LDB2: variants seen among roughly 807,000 people sequenced by gnomAD.
LDB2 encodes LIM domain-binding protein 2.
In LDB2, 12 loss-of-function variants were observed where a neutral mutation model predicts 44.3. The observed-to-expected ratio is 0.27, with a 90% CI of 0.17 to 0.44. LDB2 has a LOEUF of 0.44. Ranked by LOEUF, LDB2 falls within the 20% of genes least tolerant of loss-of-function variation. The probability of loss-of-function intolerance (pLI) is 1.00; values close to 1 mark genes in which losing one functional copy is unlikely to be tolerated. For synonymous variants in LDB2, 164 were observed against 174.8 expected, an observed-to-expected ratio of 0.94 and a Z score of 0.49; for missense variants, 344 against 473.5, an observed-to-expected ratio of 0.73 and a Z score of 2.54.
chr4:16,844,057 A>C (rs62298187), intron 1 of LDB2, among the ~76,000 whole-genome samples: 43,482 of 147,530 alleles, frequency 0.29, 6,592 homozygotes, highest in South Asian at 0.45. Flanking sequence ...GTTTGAGACC[A>C]GTCTGGGCAA....
intron 1 of LDB2, among the ~76,000 whole-genome samples, chr4:16,883,697 C>T (rs1024984256): frequency 5.3e-5 from 8 of 152,190 alleles, no homozygotes; most frequent in Non-Finnish European, 8.8e-5. Context: ...GCCACATCAC[C>T]GTGGGGTCCT....
In LDB2 at chr4:16,553,602, G is replaced by T. The variant is rs569380864; in HGVS notation, c.615+32320C>A. On this transcript the variant is annotated intron_variant, in intron 5 of 7. Coordinates refer to ENST00000304523, the MANE Select transcript of LDB2 (RefSeq NM_001290.5). ...TCAACCAAGAATCCTTAACCCGTAG[G>T]TACTAATGGAATTGGTACTCTTGAA... Among the ~76,000 whole-genome samples the T allele has an allele frequency of 1.4e-4, 21 of 152,214 alleles. No homozygotes were observed. The South Asian group carries it at 3.7e-3, about 27-fold the overall frequency.
At chr4:16,691,179 A>G (rs958297025) in intron 2 of LDB2, among the ~76,000 whole-genome samples, 3 of 152,134 alleles carry the variant, frequency 2.0e-5, no homozygotes, top group Non-Finnish European at 2.9e-5. Context: ...ATTCTAATCC[A>G]GGGCTGCTTG....
chr4:16,811,063 A>G (rs571011881), intron 1 of LDB2, among the ~76,000 whole-genome samples: 1 of 152,328 alleles, frequency 6.6e-6, no homozygotes, highest in African/African-American at 2.4e-5. Context: ...TGTGCAGTCC[A>G]TAATAGCGTT....
At chr4:16,761,014 T>A (rs902057556) in intron 1 of LDB2, among the ~76,000 whole-genome samples, 1 of 152,046 alleles carries the variant, frequency 6.6e-6, no homozygotes, top group Admixed American at 6.6e-5. Flanking sequence ...TGTGGTTTTT[T>A]TTTTTTCTCT....
chr4:16,885,312 G>A (rs1180848767), intron 1 of LDB2, among the ~76,000 whole-genome samples: 1 of 151,730 alleles, frequency 6.6e-6, no homozygotes, highest in Non-Finnish European at 1.5e-5. Context: ...TCCAGCCTGG[G>A]GAGCAAGACG....
At chr4:16,547,955 G>T (rs74469928) in intron 5 of LDB2, among the ~76,000 whole-genome samples, 13,816 of 143,070 alleles carry the variant, frequency 0.097, 718 homozygotes, top group East Asian at 0.2. Context: ...CTTTTTTTTT[G>T]TTTGTTTTTT....
At chr4:16,536,195 G>A (rs796981380) in intron 5 of LDB2, among the ~76,000 whole-genome samples, 65 of 152,320 alleles carry the variant, frequency 4.3e-4, no homozygotes, top group African/African-American at 1.4e-3. Flanking sequence ...TATGAAGGAT[G>A]CCCATGTAGC....
intron 7 of LDB2, chr4:16,506,641 T>G (rs1164297471): frequency 6.6e-6 from 1 of 152,236 alleles, no homozygotes; most frequent in Non-Finnish European, 1.5e-5. Flanking sequence ...AAACCCAGAC[T>G]AGACCTTAGA....
At chr4:16,685,634 C>A (rs894256119) in intron 2 of LDB2, among the ~76,000 whole-genome samples, 9 of 152,072 alleles carry the variant, frequency 5.9e-5, no homozygotes, top group African/African-American at 2.2e-4. Context: ...TGAATGGAAT[C>A]CAAATAACGT....
intron 2 of LDB2, among the ~76,000 whole-genome samples, chr4:16,698,638 A>G (rs1046705111): frequency 6.6e-6 from 1 of 152,092 alleles, no homozygotes. Flanking sequence ...GGTTCTTTGT[A>G]AATTAAGAAA....
rs73242328 is a variant in LDB2, at chr4:16,522,285, T to C, written c.616-10181A>G. 6.3e-4 allele frequency among the ~76,000 whole-genome samples: 31 copies of C among 49,258 alleles called. 1 individual carries two copies. Among genetic ancestry groups the C allele is most frequent in the South Asian group, 3.3e-3 (5 of 1,526 alleles). The allele number at this position is 49,258 out of a possible 152,430, so 32.3% of individuals were successfully genotyped here. ...CGCCGTGTGTGTGTGTTTGTGTGTG[T>C]GTGTGTGTGTGTATGTATGTACAGT... On this transcript the variant is annotated intron_variant, in intron 5 of 7. Transcript: ENST00000304523.
intron 2 of LDB2, among the ~76,000 whole-genome samples, chr4:16,617,574 A>T (rs1374633054): frequency 6.6e-6 from 1 of 152,178 alleles, no homozygotes; most frequent in Admixed American, 6.5e-5. Flanking sequence ...AAAACGTGAA[A>T]TCATCCATTC....
chr4:16,552,390 G>C (rs1737987063), intron 5 of LDB2, among the ~76,000 whole-genome samples: 1 of 151,972 alleles, frequency 6.6e-6, no homozygotes, highest in South Asian at 2.1e-4. Context: ...ATAAAAGTTT[G>C]CTCTTAAAAA....
chr4:16,586,200 T>C (rs565111770), intron 4 of LDB2, among the ~76,000 whole-genome samples, 195 bp from the exon 5 acceptor site: 1 of 152,232 alleles, frequency 6.6e-6, no homozygotes, highest in African/African-American at 2.4e-5. Flanking sequence ...TTCAGATCAA[T>C]TGTGCAAGAC....
At chr4:16,658,069 A>T (rs1740433569) in intron 2 of LDB2, among the ~76,000 whole-genome samples, 1 of 152,208 alleles carries the variant, frequency 6.6e-6, no homozygotes, top group Admixed American at 6.5e-5. Flanking sequence ...CAACTTGATG[A>T]TGTTGTAAGC....
chr4:16,835,431 T>C (rs1235357953), intron 1 of LDB2, among the ~76,000 whole-genome samples: 1 of 152,190 alleles, frequency 6.6e-6, no homozygotes, highest in South Asian at 2.1e-4. Flanking sequence ...TTGCAAGTCT[T>C]CTATGGTGTT....
chr4:16,739,742 A>G (rs1762849766), intron 2 of LDB2, among the ~76,000 whole-genome samples: 1 of 125,414 alleles, frequency 8.0e-6, no homozygotes, highest in Non-Finnish European at 1.6e-5. Flanking sequence ...GTATATACAT[A>G]CATATACATA....
intron 5 of LDB2, among the ~76,000 whole-genome samples, chr4:16,536,663 T>C (rs1312106419): frequency 3.3e-5 from 5 of 152,212 alleles, no homozygotes; most frequent in African/African-American, 9.6e-5. Context: ...ATCCCAGTTC[T>C]GCCACCGTTG....
Sources: allele counts gnomAD v4.1 joint callset (sites outside exome capture counted in the v4.1 genomes callset), GRCh38; gene constraint gnomAD v4.1.1; transcripts MANE v1.5; gene names NCBI Gene and HGNC (gene_info 2026-07-23, HGNC 2026-07-21).